The following MEIG1 variants were observed in gnomAD, a reference collection of about 807,000 sequenced individuals.
The protein encoded by MEIG1 is meiosis expressed gene 1 protein homolog.
MEIG1 carries 12 observed loss-of-function variants against 11.3 expected under a neutral mutation model. The ratio of observed to expected loss-of-function variants is 1.07; its 90% confidence interval spans 0.68 to 1.73. MEIG1 has a LOEUF of 1.73. MEIG1 is among the 40% of genes most tolerant of loss of function. The pLI is 0.00. For missense variants in MEIG1, 119 were observed against 104.9 expected, an observed-to-expected ratio of 1.13 and a Z score of -0.59; for synonymous variants, 41 against 33.2, an observed-to-expected ratio of 1.24 and a Z score of -0.81.
At chr10:14,983,262 A>AAT (rs1274712392) in intron 1 of MEIG1, among the ~76,000 whole-genome samples, 3 of 152,118 alleles carry the variant, frequency 2.0e-5, no homozygotes, top group Non-Finnish European at 4.4e-5. Context: ...TATTCCTCCT[A>AAT]ATATTCACGG....
At chr10:14,969,447 C>CAAA (rs60562557) in intron 2 of MEIG1, among the ~76,000 whole-genome samples, 1 of 115,156 alleles carries the variant, frequency 8.7e-6, no homozygotes. Flanking sequence ...GACCCTGTCT[C>CAAA]AAAAAAAAAA....
At chr10:14,955,325 G>A (rs1341746774), upstream of MEIG1, among the ~76,000 whole-genome samples, 2 of 152,178 alleles carry the variant, frequency 1.3e-5, no homozygotes, top group Non-Finnish European at 2.9e-5. Flanking sequence ...TGCAGAATAT[G>A]GCAAATAAAT....
intron 1 of MEIG1, among the ~76,000 whole-genome samples, chr10:14,980,953 T>A (rs1409541239): frequency 6.6e-6 from 1 of 152,132 alleles, no homozygotes; most frequent in Non-Finnish European, 1.5e-5. Flanking sequence ...AAAGTCAGTG[T>A]AGCTTGACGA....
intron 1 of MEIG1, among the ~76,000 whole-genome samples, chr10:14,960,523 A>G (rs1354739379): frequency 1.3e-5 from 2 of 151,988 alleles, no homozygotes; most frequent in Non-Finnish European, 2.9e-5. Flanking sequence ...GGTTCACGCC[A>G]TTCTCCTGCC....
chr10:14,979,956 A>C (rs1843248004), intron 1 of MEIG1, among the ~76,000 whole-genome samples: 1 of 152,024 alleles, frequency 6.6e-6, no homozygotes, highest in African/African-American at 2.4e-5. Flanking sequence ...ATCCAGGGGG[A>C]TAATTACCCT....
intron 1 of MEIG1, among the ~76,000 whole-genome samples, chr10:14,984,045 T>A (rs970173660): frequency 6.6e-6 from 1 of 152,072 alleles, no homozygotes; most frequent in South Asian, 2.1e-4. Context: ...AGGATGCTAT[T>A]ACGGCAAAGA....
intron 1 of MEIG1, among the ~76,000 whole-genome samples, chr10:14,985,953 T>G (rs140454145): frequency 8.3e-4 from 127 of 152,180 alleles, no homozygotes; most frequent in African/African-American, 2.9e-3. Flanking sequence ...GGGTAAATAT[T>G]ACTCCTCATA....
At chr10:14,978,007 T>A (rs61156501) in intron 1 of MEIG1, among the ~76,000 whole-genome samples, 10,190 of 151,968 alleles carry the variant, frequency 0.067, 1,109 homozygotes, top group African/African-American at 0.22. Context: ...TTGTACACCC[T>A]GTTCTATTAT....
At chr10:14,984,903 A>G (rs1338979327) in intron 1 of MEIG1, among the ~76,000 whole-genome samples, 1 of 151,904 alleles carries the variant, frequency 6.6e-6, no homozygotes, top group Non-Finnish European at 1.5e-5. Flanking sequence ...ATTCTTCATA[A>G]TATTCCAGGA....
At chr10:14,981,163 C>G (rs1564509668) in intron 1 of MEIG1, among the ~76,000 whole-genome samples, 1 of 150,828 alleles carries the variant, frequency 6.6e-6, no homozygotes, top group South Asian at 2.1e-4. Flanking sequence ...CCAGTCTTAA[C>G]TGGCCAACTC....
At chr10:14,968,626 A>G (rs1189531885) in intron 2 of MEIG1, among the ~76,000 whole-genome samples, 2 of 152,244 alleles carry the variant, frequency 1.3e-5, no homozygotes, top group African/African-American at 4.8e-5. Context: ...AATAGAATTT[A>G]AAATACTGAT....
chr10:14,968,384 A>G (rs1483302512), intron 2 of MEIG1, among the ~76,000 whole-genome samples: 2 of 152,154 alleles, frequency 1.3e-5, no homozygotes, highest in African/African-American at 4.8e-5. Context: ...ACTACTTGGG[A>G]GGCTGAGGCA....
upstream of MEIG1, among the ~76,000 whole-genome samples, chr10:14,955,952 TAAC>T (rs1014683712): frequency 5.9e-5 from 9 of 152,314 alleles, no homozygotes; most frequent in African/African-American, 1.9e-4. Flanking sequence ...TATGGAGACC[TAAC>T]AACAAATTCT....
At chr10:14,971,913 TC>T (rs1278566175) in intron 2 of MEIG1, among the ~76,000 whole-genome samples, 3 of 152,068 alleles carry the variant, frequency 2.0e-5, no homozygotes, top group African/African-American at 7.2e-5. Flanking sequence ...CTACAGCAGT[TC>T]CAGGACAGCT....
downstream of MEIG1, among the ~76,000 whole-genome samples, chr10:14,975,786 G>T (rs1282835170): frequency 1.3e-5 from 2 of 152,140 alleles, no homozygotes; most frequent in South Asian, 2.1e-4. Flanking sequence ...TTTCAATATC[G>T]CATGGGATGG....
chr10:14,976,540 G>T (rs890300440), downstream of MEIG1, among the ~76,000 whole-genome samples: 1 of 150,514 alleles, frequency 6.6e-6, no homozygotes, highest in African/African-American at 2.5e-5. Flanking sequence ...CAAATCACTC[G>T]TATTATCCTC....
At chr10:14,962,882 G>C (rs1843031721) in intron 1 of MEIG1, among the ~76,000 whole-genome samples, 2 of 150,612 alleles carry the variant, frequency 1.3e-5, no homozygotes, top group African/African-American at 4.9e-5. Flanking sequence ...CTCTGCCTCA[G>C]CCTCCTGATT....
intron 2 of MEIG1, among the ~76,000 whole-genome samples, chr10:14,967,569 A>G (rs1158022415): frequency 2.0e-5 from 3 of 150,896 alleles, no homozygotes; most frequent in African/African-American, 4.9e-5. Flanking sequence ...CACTGGCGCA[A>G]TCTCGGCTCA....
chr10:14,983,858 A>T lies in MEIG1; in HGVS notation n.67-2938A>T, dbSNP rs764570435. ...ACAGAAAGCGTGCACCACCCCAGGG[A>T]TATTGTTCCCATGATCCAGGAGAGA... On this transcript the variant is annotated intron_variant and non_coding_transcript_variant, in intron 1 of 2. Transcript: ENST00000467536. Among the ~76,000 whole-genome samples the T allele has an allele frequency of 2.8e-4, 43 of 152,072 alleles. 1 individual carries two copies. Among genetic ancestry groups the T allele is most frequent in the Non-Finnish European group, 4.9e-4 (33 of 67,988 alleles).
Sources: allele counts gnomAD v4.1 joint callset (sites outside exome capture counted in the v4.1 genomes callset), GRCh38; gene constraint gnomAD v4.1.1; transcripts MANE v1.5; gene names NCBI Gene and HGNC (gene_info 2026-07-23, HGNC 2026-07-21).